CFAP47: variants seen among roughly 807,000 people sequenced by gnomAD.
CFAP47 encodes the protein cilia and flagella associated protein 47.
Under a neutral mutation model 148.1 loss-of-function variants are expected in CFAP47, and 29 were observed. The observed-to-expected ratio is 0.20, with a 90% CI of 0.15 to 0.27. The LOEUF (loss-of-function observed/expected upper bound fraction) is 0.27. Ranked by LOEUF, CFAP47 falls within the 10% of genes least tolerant of loss-of-function variation. The pLI is 1.00. For missense variants in CFAP47, 1,872 were observed against 1,697.5 expected, an observed-to-expected ratio of 1.10 and a Z score of -1.81; for synonymous variants, 664 against 577.3, an observed-to-expected ratio of 1.15 and a Z score of -2.15.
chrX:36,310,149 G>T (rs1430456987), intron 55 of CFAP47, among the ~76,000 whole-genome samples: 3 of 110,889 alleles, frequency 2.7e-5, no homozygotes, highest in Non-Finnish European at 5.7e-5. Context: ...AAGTTTAAGA[G>T]ACCCTGGAAC....
intron 3 of CFAP47, among the ~76,000 whole-genome samples, chrX:35,947,169 G>A (rs1320776305): frequency 1.8e-5 from 2 of 111,403 alleles, no homozygotes; most frequent in African/African-American, 6.5e-5. Context: ...AACTGTAGTA[G>A]TTATTGCTAT....
chrX:36,288,020 T>A (rs1417976540), intron 51 of CFAP47, among the ~76,000 whole-genome samples: 16 of 111,821 alleles, frequency 1.4e-4, no homozygotes, highest in African/African-American at 5.2e-4. Flanking sequence ...ACTTTATACC[T>A]CCAGATGTGG....
chrX:36,290,182 A>G (rs781971090), intron 51 of CFAP47, among the ~76,000 whole-genome samples: 9 of 111,610 alleles, frequency 8.1e-5, no homozygotes, highest in Non-Finnish European at 1.7e-4. Context: ...CACACATACA[A>G]CTTTTCCAGT....
chrX:36,001,702 A>G lies in CFAP47; in HGVS notation c.3412A>G (p.Lys1138Glu), dbSNP rs1406859192. The G allele has an allele frequency of 3.4e-6, 1 of 293,773 alleles. No individual in the cohort carries two copies. The highest frequency in any genetic ancestry group is 2.7e-5 in the African/African-American group (1 of 36,408). 24.2% of individuals were successfully genotyped at this position (293,773 alleles called of 1,213,427 possible). The stretch of plus-strand genomic sequence containing the variant: ...GGAATGTAGCATAACATTTTCTCCC[A>G]AAGAAGTAAGTTCAGTTTTCTATTC... ...SLECSITFSP[K>E]EVTVVEFIIQ... Residue 1138 changes from lysine to glutamate, a missense_variant, in exon 21 of 64, where the codon AAA (lysine) becomes GAA (glutamate). Coordinates refer to ENST00000378653, the MANE Select transcript of CFAP47 (RefSeq NM_001304548.2).
At chrX:36,151,189 G>T (rs1939302444) in intron 37 of CFAP47, among the ~76,000 whole-genome samples, 1 of 111,746 alleles carries the variant, frequency 8.9e-6, no homozygotes, top group African/African-American at 3.2e-5. Context: ...GTTCATATTT[G>T]TTATTTTTAT....
intron 8 of CFAP47, among the ~76,000 whole-genome samples, chrX:35,959,723 C>T (rs1324421964): frequency 9.2e-6 from 1 of 108,590 alleles, no homozygotes; most frequent in Non-Finnish European, 1.9e-5. Flanking sequence ...AGGAGAATCA[C>T]TTGAACCCAG....
At chrX:35,972,181 A>G (rs1334633647) in intron 13 of CFAP47, among the ~76,000 whole-genome samples, 3 of 111,095 alleles carry the variant, frequency 2.7e-5, no homozygotes, top group Non-Finnish European at 5.7e-5. Context: ...TAATTTTAGA[A>G]TGCTGCCATC....
intron 60 of CFAP47, among the ~76,000 whole-genome samples, chrX:36,355,059 C>T (rs1556018229): frequency 9.1e-6 from 1 of 110,337 alleles, no homozygotes; most frequent in African/African-American, 3.3e-5. Flanking sequence ...TTTAAATAAG[C>T]AAAATACTTG....
chrX:36,052,736 C>T (rs1255670372), intron 26 of CFAP47, among the ~76,000 whole-genome samples: 2 of 112,126 alleles, frequency 1.8e-5, no homozygotes, highest in Non-Finnish European at 3.8e-5. Flanking sequence ...TTGACAATCA[C>T]TTAAATGGAA....
chrX:35,993,109 G>T (rs1272314857), intron 17 of CFAP47, 81 bp from the exon 18 acceptor site: 5 of 272,259 alleles, frequency 1.8e-5, no homozygotes. Flanking sequence ...TCTAGGTAGT[G>T]GCATGGAGGC....
At chrX:36,007,824 T>C (rs762158911) in intron 21 of CFAP47, among the ~76,000 whole-genome samples, 10 of 111,895 alleles carry the variant, frequency 8.9e-5, no homozygotes. Context: ...GCCTTGTGAA[T>C]TCACCACACA....
intron 25 of CFAP47, among the ~76,000 whole-genome samples, 189 bp downstream of exon 25, chrX:36,039,368 G>T (rs1937376106): frequency 8.9e-6 from 1 of 112,077 alleles, no homozygotes; most frequent in East Asian, 2.8e-4. Flanking sequence ...GTTAGTCATT[G>T]AATTTTCTTG....
chrX:36,085,670 A>C (rs149268519), intron 30 of CFAP47, 132 bp downstream of exon 30: 3,172 of 282,977 alleles, frequency 0.011, 106 homozygotes, highest in African/African-American at 0.086. Flanking sequence ...CACACACATA[A>C]ATATACACAC....
intron 52 of CFAP47, among the ~76,000 whole-genome samples, chrX:36,299,977 A>G (rs1941282440): frequency 8.9e-6 from 1 of 112,006 alleles, no homozygotes; most frequent in African/African-American, 3.2e-5. Context: ...AAAAATTATT[A>G]TTAGAAATAT....
rs763018950 is a variant in CFAP47 at position 36,044,743 on chromosome X, G to A, written c.4008-2111G>A. Among the ~76,000 whole-genome samples the A allele has an allele frequency of 7.2e-5, 8 of 111,608 alleles. No homozygotes were observed. The East Asian group carries it at 2.3e-3, about 32-fold the overall frequency. On this transcript the variant is annotated intron_variant, in intron 25 of 63. Coordinates refer to ENST00000378653, the MANE Select transcript of CFAP47 (RefSeq NM_001304548.2). ...GTTCCAAATTTTCACTCATCTTCCT[G>A]TCTTCTTCTGAGCCCTCCAAACTGT...
In CFAP47 at chrX:36,038,978, C is replaced by T; in HGVS notation, c.3812-6C>T. On this transcript the variant is annotated splice_polypyrimidine_tract_variant and splice_region_variant and intron_variant, in intron 24 of 63. Coordinates refer to ENST00000378653, the MANE Select transcript of CFAP47 (RefSeq NM_001304548.2). ...TAAAATACCCTTAAAATTTGTTTTT[C>T]ATTAGATCGTCCTGGGACATACACA... 3.1e-6 allele frequency: 3 copies of T among 971,869 alleles called. No homozygotes were observed. The highest frequency in any genetic ancestry group is 4.0e-6 in the Non-Finnish European group (3 of 745,845). The allele number at this position is 971,869 out of a possible 1,213,427, so 80.1% of individuals were successfully genotyped here.
intron 36 of CFAP47, among the ~76,000 whole-genome samples, chrX:36,147,092 G>A (rs1226311425): frequency 1.8e-5 from 2 of 111,688 alleles, no homozygotes. Context: ...TAGAAACATA[G>A]ACTGCTAGAA....
chrX:36,128,815 C>T (rs1027774743), intron 33 of CFAP47, among the ~76,000 whole-genome samples: 1 of 110,225 alleles, frequency 9.1e-6, no homozygotes, highest in African/African-American at 3.3e-5. Flanking sequence ...CTGGCACAAA[C>T]TCAAATTTTC....
At chrX:36,111,217 A>T (rs1938549901) in intron 33 of CFAP47, among the ~76,000 whole-genome samples, 1 of 111,740 alleles carries the variant, frequency 8.9e-6, no homozygotes, top group Non-Finnish European at 1.9e-5. Flanking sequence ...TTGCCCATTC[A>T]GTATGATATT....
Sources: gnomAD v4.1 joint callset for allele counts (sites outside exome capture counted in the v4.1 genomes callset) on GRCh38, gnomAD v4.1.1 for gene constraint, MANE v1.5 for transcripts, NCBI Gene and HGNC (gene_info 2026-07-23, HGNC 2026-07-21) for gene names.